Variants in FGGY observed in about 807,000 individuals in gnomAD.
The protein encoded by FGGY is FGGY carbohydrate kinase domain-containing protein.
FGGY carries 72 observed loss-of-function variants against 71.3 expected under a neutral mutation model. That is an observed-to-expected ratio of 1.01 (90% CI 0.84 to 1.23). FGGY has a LOEUF of 1.23. Ranked by LOEUF, FGGY falls within the 50% of genes most tolerant of loss-of-function variation. FGGY has a pLI of 0.00. For synonymous variants in FGGY, 251 were observed against 250.3 expected (o/e 1.00, Z -0.02); for missense variants, 668 against 682.3 (o/e 0.98, Z 0.23).
At chr1:59,635,532 T>G (rs2096949697) in intron 10 of FGGY, among the ~76,000 whole-genome samples, 1 of 149,322 alleles carries the variant, frequency 6.7e-6, no homozygotes, top group Admixed American at 6.7e-5. Flanking sequence ...ATGAAAAGAT[T>G]TATAGACATG....
chr1:59,607,589 A>C (rs577685419), intron 8 of FGGY, among the ~76,000 whole-genome samples: 35 of 152,302 alleles, frequency 2.3e-4, no homozygotes, highest in African/African-American at 7.7e-4. Context: ...TCTTTCCAAA[A>C]TGACCATTTT....
chr1:59,326,166 AT>A (rs915850748), intron 2 of FGGY, among the ~76,000 whole-genome samples: 3 of 152,240 alleles, frequency 2.0e-5, no homozygotes, highest in Non-Finnish European at 4.4e-5. Context: ...GTCTGCAAAC[AT>A]TTATTGAGCA....
At chr1:59,604,281 AACACATAAGT>A (rs1482861869) in intron 8 of FGGY, among the ~76,000 whole-genome samples, 1 of 152,258 alleles carries the variant, frequency 6.6e-6, no homozygotes, top group African/African-American at 2.4e-5. Flanking sequence ...AAGATTAAAC[AACACATAAGT>A]ACACAAGTGT....
At chr1:59,662,922 G>A (rs1405968066) in intron 12 of FGGY, among the ~76,000 whole-genome samples, 5 of 152,192 alleles carry the variant, frequency 3.3e-5, no homozygotes, top group African/African-American at 1.2e-4. Context: ...ATTTGTTAAT[G>A]TTATTGTATA....
At chr1:59,461,770 CTTTTG>C (rs150075939) in intron 6 of FGGY, among the ~76,000 whole-genome samples, 29 of 151,936 alleles carry the variant, frequency 1.9e-4, no homozygotes, top group South Asian at 6.3e-4. Context: ...ATTCAACATT[CTTTTG>C]TTTTGTTTTG....
chr1:59,404,818 C>T (rs17481982), intron 5 of FGGY, among the ~76,000 whole-genome samples: 4,637 of 152,224 alleles, frequency 0.03, 102 homozygotes, highest in South Asian at 0.074. Context: ...ATAGATGCTG[C>T]TGCACCACAC....
chr1:59,320,660 A>T (rs1283611407), intron 1 of FGGY, among the ~76,000 whole-genome samples: 1 of 152,234 alleles, frequency 6.6e-6, no homozygotes, highest in African/African-American at 2.4e-5. Flanking sequence ...AGATTGTCTA[A>T]CTAATTGCTG....
chr1:59,520,050 C>A (rs1404287388), intron 7 of FGGY, among the ~76,000 whole-genome samples: 1 of 152,190 alleles, frequency 6.6e-6, no homozygotes, highest in African/African-American at 2.4e-5. Flanking sequence ...TTACAATGCC[C>A]AGGCCAACCC....
intron 3 of FGGY, among the ~76,000 whole-genome samples, chr1:59,345,538 A>C (rs1030622176): frequency 6.6e-6 from 1 of 152,128 alleles, no homozygotes; most frequent in Non-Finnish European, 1.5e-5. Context: ...CTGAGGGCCT[A>C]CTTTCTGAGA....
chr1:59,481,489 TCTC>T (rs1439591122), intron 6 of FGGY, among the ~76,000 whole-genome samples: 2 of 152,108 alleles, frequency 1.3e-5, no homozygotes, highest in African/African-American at 4.8e-5. Context: ...CAAATACTCT[TCTC>T]ATCAGAATTA....
intron 14 of FGGY, among the ~76,000 whole-genome samples, chr1:59,696,536 C>T (rs555520770): frequency 6.6e-6 from 1 of 152,324 alleles, no homozygotes; most frequent in East Asian, 1.9e-4. Flanking sequence ...TTCTTCCTCC[C>T]TGATTCACAT....
At chr1:59,460,249 C>T (rs1030801742) in intron 6 of FGGY, among the ~76,000 whole-genome samples, 8 of 152,324 alleles carry the variant, frequency 5.3e-5, no homozygotes, top group Non-Finnish European at 7.4e-5. Flanking sequence ...GAGATTATAT[C>T]CTGCGCCTGG....
At position 59,706,897 on chromosome 1, in the gene FGGY, T is replaced by C. The variant is rs2097760950; in HGVS notation, c.1512+32764T>C. Reference sequence around the variant, plus strand: ...CATAGAAAGTGCTTAATAAAATTAATTATTATTGTTACCTGTATCTCCTGT... The same window carrying C: ...CATAGAAAGTGCTTAATAAAATTAACTATTATTGTTACCTGTATCTCCTGT... On this transcript the variant is annotated intron_variant, in intron 14 of 15. Coordinates refer to ENST00000303721, the MANE Select transcript of FGGY (RefSeq NM_018291.5). Among the ~76,000 whole-genome samples the C allele has an allele frequency of 2.0e-5, 3 of 152,160 alleles. No homozygotes were observed. In the East Asian group the frequency reaches 5.8e-4, roughly 29 times the overall value.
intron 3 of FGGY, among the ~76,000 whole-genome samples, chr1:59,340,396 A>T (rs1251399444): frequency 6.6e-6 from 1 of 152,194 alleles, no homozygotes; most frequent in Non-Finnish European, 1.5e-5. Context: ...TTCTGAGAAG[A>T]GAGTGTCAGT....
intron 4 of FGGY, among the ~76,000 whole-genome samples, chr1:59,350,716 T>C (rs948149574): frequency 2.0e-5 from 3 of 152,006 alleles, no homozygotes; most frequent in Non-Finnish European, 4.4e-5. Flanking sequence ...GGTGAGAAAA[T>C]GTGTGTGGGG....
intron 5 of FGGY, among the ~76,000 whole-genome samples, chr1:59,421,436 A>G (rs1004770913): frequency 5.3e-5 from 8 of 152,032 alleles, no homozygotes; most frequent in African/African-American, 1.7e-4. Context: ...AAAAAGAATC[A>G]GGGTGTGGTA....
intron 2 of FGGY, among the ~76,000 whole-genome samples, chr1:59,335,131 G>T (rs879444624): frequency 6.6e-5 from 10 of 152,098 alleles, no homozygotes; most frequent in Admixed American, 5.9e-4. Flanking sequence ...GTATAATGCT[G>T]TTATTTTGTA....
intron 8 of FGGY, among the ~76,000 whole-genome samples, chr1:59,555,578 TCTGC>T (rs1341249912): frequency 1.3e-5 from 2 of 152,238 alleles, no homozygotes; most frequent in Non-Finnish European, 2.9e-5. Context: ...AGTGGCTGAC[TCTGC>T]CTGGGAGGGT....
chr1:59,319,988 A>G (rs2046109133), intron 1 of FGGY, among the ~76,000 whole-genome samples: 1 of 152,168 alleles, frequency 6.6e-6, no homozygotes, highest in Non-Finnish European at 1.5e-5. Flanking sequence ...CTGTTGAATG[A>G]ATGAAGGAAT....
Sources: allele counts gnomAD v4.1 joint callset (sites outside exome capture counted in the v4.1 genomes callset), GRCh38; gene constraint gnomAD v4.1.1; transcripts MANE v1.5; gene names NCBI Gene and HGNC (gene_info 2026-07-23, HGNC 2026-07-21).